Variants in CCDC24 observed in about 807,000 individuals in gnomAD.
CCDC24 encodes coiled-coil domain-containing protein 24.
CCDC24 carries 34 observed loss-of-function variants against 31.6 expected under a neutral mutation model. That is an observed-to-expected ratio of 1.08 (90% CI 0.82 to 1.43). The LOEUF (loss-of-function observed/expected upper bound fraction) is 1.43, where lower values mean the gene tolerates loss of function less well. CCDC24 is among the 40% of genes most tolerant of loss of function. The pLI, the probability that CCDC24 is intolerant of heterozygous loss-of-function variation, is 0.00. For synonymous variants in CCDC24, 175 were observed against 157.3 expected (o/e 1.11, Z -0.84); for missense variants, 426 against 391.1 (o/e 1.09, Z -0.75).
chr1:43,995,185 C>G lies in CCDC24; in HGVS notation c.552+23C>G. On this transcript the variant is annotated intron_variant, in intron 6 of 8. Transcript: ENST00000372318. The surrounding 1 kb of genome is among the most constrained non-coding windows in gnomAD (Gnocchi z 4.3). ...CAGGTGAGCCGCAGCCCTGGGCCCT[C>G]CCCCGAGCCTCACTGCTGAGCGTAG... The G allele has an allele frequency of 6.4e-7, 1 of 1,554,214 alleles. No individual in the cohort carries two copies. Among genetic ancestry groups the G allele is most frequent in the African/African-American group, 1.4e-5 (1 of 73,456 alleles).
chr1:43,993,070 A>G (rs1396129253), intron 4 of CCDC24, among the ~76,000 whole-genome samples: 3 of 152,224 alleles, frequency 2.0e-5, no homozygotes, highest in Non-Finnish European at 4.4e-5. Context: ...TAAAATATTC[A>G]TAAGTGGATG....
intron 5 of CCDC24, chr1:43,994,827 A>C: frequency 6.0e-6 from 3 of 497,016 alleles, no homozygotes; most frequent in Non-Finnish European, 1.1e-5. Flanking sequence ...ATGTGGGGGA[A>C]GATGGAGGCA....
chr1:43,995,607 C>G lies in CCDC24; in HGVS notation c.559C>G (p.Leu187Val), dbSNP rs984628075. 2.5e-6 allele frequency: 4 copies of G among 1,609,330 alleles called. No individual in the cohort carries two copies. Among genetic ancestry groups the G allele is most frequent in the Non-Finnish European group, 3.4e-6 (4 of 1,177,468 alleles). The change falls in exon 7 of 9, where the codon CTG (leucine) becomes GTG (valine). Residue 187 changes from leucine (L) to valine (V), a missense_variant. Coordinates refer to ENST00000372318, the MANE Select transcript of CCDC24 (RefSeq NM_152499.4). This position sits in a 1 kb window ranked among gnomAD's most constrained non-coding sequence, Gnocchi z 4.3. ...GACGCAGCTCTCCCTGCAGCGCTGC[C>G]TGGAAGAGGAGTATTTGAGGCCTTG... is the stretch of plus-strand genomic sequence containing the variant. Reference protein sequence around the residue: ...EREILILQRCLEEEYLRPCHP... With the variant: ...EREILILQRCVEEEYLRPCHP...
chr1:43,996,019 G>T lies in CCDC24; in HGVS notation c.783G>T (p.Leu261=). 1 of 1,614,148 alleles carries T rather than the reference G, an allele frequency of 6.2e-7. No individual in the cohort carries two copies. Among genetic ancestry groups the T allele is most frequent in the Non-Finnish European group, 8.5e-7 (1 of 1,180,036 alleles). The part of the protein sequence containing the change: ...LCGVAPLQCC[L]PAPPLEPYLR... Reference sequence around the variant, plus strand: ...GGGTTGCACCTCTCCAGTGCTGCCTGCCTGCACCTCCTCTGGAGCCCTACC... The same window carrying T: ...GGGTTGCACCTCTCCAGTGCTGCCTTCCTGCACCTCCTCTGGAGCCCTACC... The change falls in exon 9 of 9, where the codon CTG becomes CTT. Residue 261 remains leucine, a synonymous_variant. Coordinates refer to ENST00000372318, the MANE Select transcript of CCDC24 (RefSeq NM_152499.4).
Position 43,995,389 on chromosome 1 carries a change from C to T in CCDC24, c.553-212C>T. 1 of 692,660 alleles carries T rather than the reference C, an allele frequency of 1.4e-6. No individual in the cohort carries two copies. The highest frequency in any genetic ancestry group is 2.7e-5 in the East Asian group (1 of 36,578). 42.9% of individuals were successfully genotyped at this position (692,660 alleles called of 1,614,324 possible). A position where few individuals can be genotyped will look rare whatever the true frequency, so the allele number is the denominator to read the frequency against. ...GCCAACCGTTTTAGGTCTTTTGCCT[C>T]CTTCCTTTACCTAAGTCTGGGTACA... On this transcript the variant is annotated intron_variant, in intron 6 of 8. Transcript: ENST00000372318. The surrounding 1 kb of genome is among the most constrained non-coding windows in gnomAD (Gnocchi z 4.3).
Position 43,996,481 on chromosome 1 carries a change from G to A in CCDC24, c.*321G>A, listed in dbSNP as rs199629914. 3.4e-5 allele frequency: 12 copies of A among 353,376 alleles called. No homozygotes were observed. Among genetic ancestry groups the A allele is most frequent in the Non-Finnish European group, 5.1e-5 (10 of 195,766 alleles). 21.9% of individuals were successfully genotyped at this position (353,376 alleles called of 1,614,324 possible). ...GGGACCCAGACAAAGCACAGCAGCCGCTCAGAGACAGGAATAGAAATTTCA... is the reference window on the plus strand; with the variant it reads ...GGGACCCAGACAAAGCACAGCAGCCACTCAGAGACAGGAATAGAAATTTCA... On this transcript the variant is annotated 3_prime_UTR_variant, in exon 9 of 9. Coordinates refer to ENST00000372318, the MANE Select transcript of CCDC24 (RefSeq NM_152499.4).
intron 4 of CCDC24, 116 bp from the exon 5 acceptor site, chr1:43,993,769 CTT>C: frequency 4.3e-6 from 4 of 930,062 alleles, no homozygotes; most frequent in Non-Finnish European, 5.1e-6. Context: ...AACTCTTACT[CTT>C]TGCACTATAT....
chr1:43,995,416 G>GC lies in CCDC24; in HGVS notation c.553-181dup. The GC allele has an allele frequency of 1.4e-6, 1 of 732,718 alleles. No homozygotes were observed. Among genetic ancestry groups the GC allele is most frequent in the Non-Finnish European group, 2.2e-6 (1 of 455,100 alleles). The allele number at this position is 732,718 out of a possible 1,614,324, so 45.4% of individuals were successfully genotyped here. Reference sequence around the variant, plus strand: ...TTCCTTTACCTAAGTCTGGGTACAGGCCCCACCACTATCTTGCCAAACTCA... The same window carrying GC: ...TTCCTTTACCTAAGTCTGGGTACAGGCCCCCACCACTATCTTGCCAAACTCA... On this transcript the variant is annotated intron_variant, in intron 6 of 8. Coordinates refer to ENST00000372318, the MANE Select transcript of CCDC24 (RefSeq NM_152499.4). The surrounding 1 kb of genome is among the most constrained non-coding windows in gnomAD (Gnocchi z 4.3).
chr1:43,991,685 G>T lies in CCDC24; in HGVS notation c.-94G>T. 1 of 777,174 alleles carries T rather than the reference G, an allele frequency of 1.3e-6. No individual in the cohort carries two copies. The highest frequency in any genetic ancestry group is 2.7e-5 in the East Asian group (1 of 37,562). The allele number at this position is 777,174 out of a possible 1,614,324, so 48.1% of individuals were successfully genotyped here. On this transcript the variant is annotated 5_prime_UTR_variant, in exon 1 of 9. Transcript: ENST00000372318. ...GGCCAAAAGCCGGGCAGAAGAGAGC[G>T]CCAAGGACTGGCAGTTCCGGAACGG...
Position 43,995,307 on chromosome 1 carries a change from G to T in CCDC24, c.552+145G>T. The T allele has an allele frequency of 1.1e-6, 1 of 882,718 alleles. No individual in the cohort carries two copies. Among genetic ancestry groups the T allele is most frequent in the Non-Finnish European group, 1.7e-6 (1 of 575,342 alleles). The allele number at this position is 882,718 out of a possible 1,614,324, so 54.7% of individuals were successfully genotyped here. A position where few individuals can be genotyped will look rare whatever the true frequency, so the allele number is the denominator to read the frequency against. On this transcript the variant is annotated intron_variant, in intron 6 of 8. Coordinates refer to ENST00000372318, the MANE Select transcript of CCDC24 (RefSeq NM_152499.4). This position sits in a 1 kb window ranked among gnomAD's most constrained non-coding sequence, Gnocchi z 4.3. ...ATCCATTTCTCAGGGGTGCATGCTT[G>T]TGTGCACCTGCAAAATCCTGGAGGC...
rs554468988 is a variant in CCDC24 at position 43,994,451 on chromosome 1, T to C, written c.497+487T>C. ...CTTTCTTTCTTTCTTTCTTTTTTTT[T>C]TTTTTTTGAGATGGAGTCTTGTTCT... On this transcript the variant is annotated intron_variant, in intron 5 of 8. Coordinates refer to ENST00000372318, the MANE Select transcript of CCDC24 (RefSeq NM_152499.4). The C allele has an allele frequency of 7.3e-4, 118 of 161,346 alleles. 1 individual carries two copies. Among genetic ancestry groups the C allele is most frequent in the African/African-American group, 2.8e-3 (114 of 41,256 alleles). 10.0% of individuals were successfully genotyped at this position (161,346 alleles called of 1,614,324 possible).
intron 2 of CCDC24, 69 bp from the exon 3 acceptor site, chr1:43,992,143 A>G: frequency 6.6e-7 from 1 of 1,517,350 alleles, no homozygotes; most frequent in Non-Finnish European, 8.9e-7. Flanking sequence ...CCTCTCCCTC[A>G]CTCCCCCAGC....
In CCDC24 at chr1:43,996,274, A is replaced by C; in HGVS notation, c.*114A>C. On this transcript the variant is annotated 3_prime_UTR_variant, in exon 9 of 9. Coordinates refer to ENST00000372318, the MANE Select transcript of CCDC24 (RefSeq NM_152499.4). ...GATCTGGTCTTGGCGAGCTCTCGCCAGGACCCCAAGGCTGTTGGTCTGTCT... is the reference window on the plus strand; with the variant it reads ...GATCTGGTCTTGGCGAGCTCTCGCCCGGACCCCAAGGCTGTTGGTCTGTCT... 1.0e-6 allele frequency: 1 copy of C among 981,598 alleles called. No individual in the cohort carries two copies. The highest frequency in any genetic ancestry group is 1.5e-6 in the Non-Finnish European group (1 of 682,116). The allele number at this position is 981,598 out of a possible 1,614,324, so 60.8% of individuals were successfully genotyped here. A position where few individuals can be genotyped will look rare whatever the true frequency, so the allele number is the denominator to read the frequency against.
Position 43,996,419 on chromosome 1 carries a change from A to C in CCDC24, c.*259A>C, listed in dbSNP as rs1019957526. The C allele has an allele frequency of 2.2e-6, 1 of 449,244 alleles. No homozygotes were observed. The highest frequency in any genetic ancestry group is 2.0e-5 in the African/African-American group (1 of 49,678). 27.8% of individuals were successfully genotyped at this position (449,244 alleles called of 1,614,324 possible). ...CCAGGCCTCCACAAAGGCCTGGCAG[A>C]CAGAGGTCTCATTCCAGCCTGACTC... is the stretch of plus-strand genomic sequence containing the variant. On this transcript the variant is annotated 3_prime_UTR_variant, in exon 9 of 9. Transcript: ENST00000372318.
chr1:43,992,416 C>A (rs971564294), intron 3 of CCDC24, 29 bp downstream of exon 3: 3 of 1,613,458 alleles, frequency 1.9e-6, no homozygotes, highest in Non-Finnish European at 2.5e-6. Flanking sequence ...GGCCCTTTCC[C>A]TAGATACCAG....
Position 43,991,642 on chromosome 1 carries a change from GC to G in CCDC24, c.-132del. 3 of 710,120 alleles carry G rather than the reference GC, an allele frequency of 4.2e-6. No individual in the cohort carries two copies. Among genetic ancestry groups the G allele is most frequent in the African/African-American group, 1.7e-5 (1 of 57,496 alleles). 44.0% of individuals were successfully genotyped at this position (710,120 alleles called of 1,614,324 possible). On this transcript the variant is annotated 5_prime_UTR_variant, in exon 1 of 9. Coordinates refer to ENST00000372318, the MANE Select transcript of CCDC24 (RefSeq NM_152499.4). ...CTGGTTCCCACTGCCTGGTTTCTGG[GC>G]CCCCGGCATCCGAGTCGGCCAAAAG...
chr1:43,992,982 G>A (rs535926464), intron 4 of CCDC24, among the ~76,000 whole-genome samples: 2 of 152,376 alleles, frequency 1.3e-5, no homozygotes, highest in South Asian at 2.1e-4. Context: ...GAGAACAGGA[G>A]TGAGGGCTGG....
Position 43,996,264 on chromosome 1 carries a change from A to G in CCDC24, c.*104A>G. 9.2e-7 allele frequency: 1 copy of G among 1,085,296 alleles called. No homozygotes were observed. Among genetic ancestry groups the G allele is most frequent in the Non-Finnish European group, 1.3e-6 (1 of 774,928 alleles). The allele number at this position is 1,085,296 out of a possible 1,614,324, so 67.2% of individuals were successfully genotyped here. A position where few individuals can be genotyped will look rare whatever the true frequency, so the allele number is the denominator to read the frequency against. ...GCCAGCTTCAGATCTGGTCTTGGCG[A>G]GCTCTCGCCAGGACCCCAAGGCTGT... is the stretch of plus-strand genomic sequence containing the variant. On this transcript the variant is annotated 3_prime_UTR_variant, in exon 9 of 9. Transcript: ENST00000372318.
intron 4 of CCDC24, among the ~76,000 whole-genome samples, chr1:43,993,480 C>T (rs886576494): frequency 1.3e-5 from 2 of 151,586 alleles, no homozygotes; most frequent in Non-Finnish European, 2.9e-5. Context: ...ATAGTGAGAC[C>T]CCATCTGTGC....
Sources: allele counts gnomAD v4.1 joint callset (sites outside exome capture counted in the v4.1 genomes callset), GRCh38; gene constraint gnomAD v4.1.1; non-coding constraint Gnocchi (gnomAD v3.1); transcripts MANE v1.5; gene names NCBI Gene and HGNC (gene_info 2026-07-23, HGNC 2026-07-21).